PARD3: variants seen among roughly 807,000 people sequenced by gnomAD.
PARD3 encodes the protein par-3 family cell polarity regulator.
Under a neutral mutation model 155.4 loss-of-function variants are expected in PARD3, and 75 were observed. The ratio of observed to expected loss-of-function variants is 0.48; its 90% confidence interval spans 0.40 to 0.58. The LOEUF (loss-of-function observed/expected upper bound fraction) is 0.58. PARD3 is among the 20% of genes least tolerant of loss of function. PARD3 has a pLI of 0.00. For synonymous variants in PARD3, 576 were observed against 610.5 expected, an observed-to-expected ratio of 0.94 and a Z score of 0.83; for missense variants, 1,642 against 1,721.7, an observed-to-expected ratio of 0.95 and a Z score of 0.82.
At chr10:34,259,152 A>G (rs1434539564) in intron 22 of PARD3, among the ~76,000 whole-genome samples, 1 of 152,200 alleles carries the variant, frequency 6.6e-6, no homozygotes, top group Non-Finnish European at 1.5e-5. Context: ...CCACAGAGTA[A>G]TCTAGAATGC....
intron 22 of PARD3, among the ~76,000 whole-genome samples, chr10:34,196,226 G>A (rs555611308): frequency 1.3e-5 from 2 of 152,222 alleles, no homozygotes; most frequent in African/African-American, 2.4e-5. Flanking sequence ...GCAGGGTTAC[G>A]TGGCGTACAA....
intron 2 of PARD3, among the ~76,000 whole-genome samples, chr10:34,620,052 C>A (rs939327325): frequency 4.6e-5 from 7 of 152,160 alleles, no homozygotes; most frequent in African/African-American, 1.7e-4. Context: ...CCTCAGAGAC[C>A]CCACTCTCAT....
At position 34,810,171 on chromosome 10, in the gene PARD3, C is replaced by T. The variant is rs1021873533; in HGVS notation, c.120+4705G>A. 2.0e-5 allele frequency among the ~76,000 whole-genome samples: 3 copies of T among 152,124 alleles called. No homozygotes were observed. The East Asian group carries it at 5.8e-4, about 29-fold the overall frequency. ...CCAAAATCTGAAACTTACTGAGCAC[C>T]CACATGACGCCACACCTGGAAAATT... On this transcript the variant is annotated intron_variant, in intron 1 of 24. Coordinates refer to ENST00000374788, the MANE Select transcript of PARD3 (RefSeq NM_001184785.2).
At chr10:34,681,472 G>A (rs1016743582) in intron 2 of PARD3, among the ~76,000 whole-genome samples, 7 of 151,500 alleles carry the variant, frequency 4.6e-5, no homozygotes, top group Non-Finnish European at 1.0e-4. Flanking sequence ...TATCCAGCCT[G>A]AATATTCCCA....
chr10:34,589,599 T>C (rs2088454553), intron 2 of PARD3, among the ~76,000 whole-genome samples: 1 of 147,186 alleles, frequency 6.8e-6, no homozygotes, highest in Non-Finnish European at 1.5e-5. Flanking sequence ...TGGCACTTTC[T>C]TATGGCATCC....
At chr10:34,444,396 A>G (rs2076629820) in intron 5 of PARD3, among the ~76,000 whole-genome samples, 1 of 152,266 alleles carries the variant, frequency 6.6e-6, no homozygotes, top group Non-Finnish European at 1.5e-5. Flanking sequence ...TTATCTGCCA[A>G]TATCAAACTA....
At chr10:34,433,305 A>C (rs1327667900) in intron 5 of PARD3, among the ~76,000 whole-genome samples, 2 of 152,224 alleles carry the variant, frequency 1.3e-5, no homozygotes, top group East Asian at 3.8e-4. Flanking sequence ...TCACTGCCTA[A>C]GTCATGTCCA....
rs754378910 is a variant in PARD3, at chr10:34,317,214, A to C, written c.2958T>G (p.Asp986Glu). The change falls in exon 20 of 25, where the codon GAT (aspartate) becomes GAG (glutamate). Residue 986 changes from aspartate (D) to glutamate (E), a missense_variant. Physicochemically the swap from Asp to Glu is conservative, Grantham distance 45. Around this residue, in one of 3 missense-constraint regions of PARD3, gnomAD observed 1,529 missense variants for 1,587.3 expected, o/e 0.96. Coordinates refer to ENST00000374788, the MANE Select transcript of PARD3 (RefSeq NM_001184785.2). ...CTTTTCCAGTTTTATCCTTTTTTCTATCAGTCTTATCACCTTTCTCTTGGT... is the reference window on the plus strand; with the variant it reads ...CTTTTCCAGTTTTATCCTTTTTTCTCTCAGTCTTATCACCTTTCTCTTGGT... ...NGNQEKGDKT[D>E]RKKDKTGKEK... 6 of 1,613,288 alleles carry C rather than the reference A, an allele frequency of 3.7e-6. No individual in the cohort carries two copies. The highest frequency in any genetic ancestry group is 5.1e-6 in the Non-Finnish European group (6 of 1,179,848).
chr10:34,592,629 A>G (rs2088819483), intron 2 of PARD3, among the ~76,000 whole-genome samples: 1 of 152,140 alleles, frequency 6.6e-6, no homozygotes, highest in South Asian at 2.1e-4. Context: ...TACAAAAATT[A>G]GCCGAGCGTG....
chr10:34,603,937 G>A (rs970275379), intron 2 of PARD3, among the ~76,000 whole-genome samples: 7 of 152,112 alleles, frequency 4.6e-5, no homozygotes, highest in East Asian at 1.9e-4. Flanking sequence ...CTGGAGTAAG[G>A]CGGTGACGGT....
chr10:34,433,412 T>TA (rs1252555274), intron 5 of PARD3, among the ~76,000 whole-genome samples: 1 of 152,216 alleles, frequency 6.6e-6, no homozygotes, highest in Non-Finnish European at 1.5e-5. Flanking sequence ...AATCAAGACC[T>TA]ATTTTTCTTG....
chr10:34,729,530 CAA>C (rs56210783), intron 1 of PARD3, among the ~76,000 whole-genome samples: 16 of 111,434 alleles, frequency 1.4e-4, no homozygotes, highest in Non-Finnish European at 1.2e-4. Flanking sequence ...GACTCCATCT[CAA>C]AAAAAAAAAA....
chr10:34,392,814 T>C (rs1842966928), intron 7 of PARD3, among the ~76,000 whole-genome samples: 1 of 152,156 alleles, frequency 6.6e-6, no homozygotes, highest in Admixed American at 6.5e-5. Context: ...TGTACACTCT[T>C]GTCCCCCAAA....
At chr10:34,665,531 T>A (rs909720019) in intron 2 of PARD3, among the ~76,000 whole-genome samples, 2 of 148,916 alleles carry the variant, frequency 1.3e-5, no homozygotes, top group African/African-American at 2.5e-5. Flanking sequence ...AAAAAAATTT[T>A]AAAAATTTTT....
chr10:34,287,899 C>A (rs565179212), intron 20 of PARD3, among the ~76,000 whole-genome samples: 1 of 152,116 alleles, frequency 6.6e-6, no homozygotes, highest in Non-Finnish European at 1.5e-5. Context: ...ACTGTTATAA[C>A]GCACTTTCCT....
intron 22 of PARD3, among the ~76,000 whole-genome samples, chr10:34,196,561 C>A (rs374397300): frequency 1.3e-5 from 2 of 148,906 alleles, no homozygotes; most frequent in African/African-American, 5.0e-5. Flanking sequence ...ATACTTTGTA[C>A]CCTTTTCTTT....
chr10:34,512,942 T>C (rs1453522721), intron 3 of PARD3, among the ~76,000 whole-genome samples: 2 of 152,166 alleles, frequency 1.3e-5, no homozygotes, highest in Admixed American at 1.3e-4. Flanking sequence ...TCCTTGTCAT[T>C]AGGCAGTTCT....
At chr10:34,577,479 T>C (rs760755115) in intron 2 of PARD3, among the ~76,000 whole-genome samples, 2 of 152,132 alleles carry the variant, frequency 1.3e-5, no homozygotes, top group Non-Finnish European at 2.9e-5. Context: ...TGGCCCCAAA[T>C]CAAAATTTAG....
At chr10:34,347,428 C>T (rs1325011988) in intron 15 of PARD3, among the ~76,000 whole-genome samples, 9 of 151,768 alleles carry the variant, frequency 5.9e-5, no homozygotes, top group South Asian at 4.2e-4. Flanking sequence ...ACTAGTTTCG[C>T]GATTTTAAAA....
Sources: allele counts gnomAD v4.1 joint callset (sites outside exome capture counted in the v4.1 genomes callset), GRCh38; gene constraint gnomAD v4.1.1; regional missense constraint gnomAD v4.1.1; transcripts MANE v1.5; gene names NCBI Gene and HGNC (gene_info 2026-07-23, HGNC 2026-07-21).